The following LRBA variants were observed in gnomAD, a reference collection of about 807,000 sequenced individuals.
The protein encoded by LRBA is LPS responsive beige-like anchor protein, also known as lipopolysaccharide-responsive and beige-like anchor protein.
A neutral mutation model predicts 330.0 loss-of-function variants in LRBA; 176 were observed. The ratio of observed to expected loss-of-function variants is 0.53; its 90% CI spans 0.47 to 0.60. The LOEUF (loss-of-function observed/expected upper bound fraction) is 0.60, where lower values mean the gene tolerates loss of function less well. Among genes scored for constraint, LRBA ranks in the 20% least tolerant of loss-of-function variants. The pLI, the probability that LRBA is intolerant of heterozygous loss-of-function variation, is 0.00. For missense variants in LRBA, 3,259 were observed against 3,444.8 expected, an observed-to-expected ratio of 0.95 and a Z score of 1.35; for synonymous variants, 1,230 against 1,193.0, an observed-to-expected ratio of 1.03 and a Z score of -0.64.
chr4:150,910,140 G>A (rs931306424), intron 9 of LRBA, among the ~76,000 whole-genome samples: 1 of 152,048 alleles, frequency 6.6e-6, no homozygotes, highest in Admixed American at 6.6e-5. Flanking sequence ...CCTCTGATGC[G>A]CAGAACTTTA....
At chr4:150,897,007 AC>A (rs1730157786) in intron 15 of LRBA, among the ~76,000 whole-genome samples, 1 of 151,342 alleles carries the variant, frequency 6.6e-6, no homozygotes, top group Middle Eastern at 3.4e-3. Context: ...AAAAAAAAAA[AC>A]ACCACAAGAA....
chr4:150,895,806 G>A (rs1404964578), intron 16 of LRBA, among the ~76,000 whole-genome samples: 1 of 152,090 alleles, frequency 6.6e-6, no homozygotes, highest in East Asian at 1.9e-4. Flanking sequence ...CCCAGTAATG[G>A]GATGGCTGGG....
chr4:150,652,847 G>A (rs1581930536), intron 37 of LRBA, among the ~76,000 whole-genome samples: 2 of 152,068 alleles, frequency 1.3e-5, no homozygotes, highest in African/African-American at 2.4e-5. Context: ...GACACCTAAC[G>A]CCTGCTTGTT....
chr4:150,579,377 G>A (rs1214554613), intron 40 of LRBA: 3 of 454,364 alleles, frequency 6.6e-6, no homozygotes, highest in Non-Finnish European at 1.3e-5. Flanking sequence ...TGGGGGAGGG[G>A]GGAGAAAGAG....
intron 54 of LRBA, among the ~76,000 whole-genome samples, chr4:150,284,884 T>A (rs1391443435): frequency 3.9e-5 from 6 of 152,294 alleles, no homozygotes; most frequent in East Asian, 1.9e-4. Context: ...ATTATTCAGA[T>A]CACTTTGTAT....
At chr4:150,532,843 G>C (rs1764190911) in intron 40 of LRBA, among the ~76,000 whole-genome samples, 1 of 151,940 alleles carries the variant, frequency 6.6e-6, no homozygotes, top group Admixed American at 6.6e-5. Context: ...AATTACAAAA[G>C]ATTTTTATGT....
At chr4:150,593,305 T>C (rs1043958626) in intron 38 of LRBA, among the ~76,000 whole-genome samples, 1 of 152,208 alleles carries the variant, frequency 6.6e-6, no homozygotes, top group Non-Finnish European at 1.5e-5. Context: ...TTACATATCA[T>C]TTTGCATAAG....
chr4:150,279,013 C>T (rs1361513972), intron 55 of LRBA, among the ~76,000 whole-genome samples: 2 of 152,000 alleles, frequency 1.3e-5, no homozygotes, highest in Non-Finnish European at 2.9e-5. Context: ...TTAGTAGAGA[C>T]GGGGTTTCAC....
intron 2 of LRBA, among the ~76,000 whole-genome samples, chr4:150,998,726 T>C (rs1398824554): frequency 2.6e-5 from 4 of 152,154 alleles, no homozygotes; most frequent in Non-Finnish European, 4.4e-5. Context: ...AATAAATCTA[T>C]ATTTTGTTTT....
At chr4:150,288,872 C>G (rs1748513758) in intron 53 of LRBA, among the ~76,000 whole-genome samples, 1 of 138,672 alleles carries the variant, frequency 7.2e-6, no homozygotes, top group Admixed American at 7.6e-5. Context: ...TCTTGGAATT[C>G]CTCAGTGGAA....
intron 37 of LRBA, among the ~76,000 whole-genome samples, chr4:150,645,972 A>G (rs1010009452): frequency 1.3e-5 from 2 of 150,704 alleles, no homozygotes; most frequent in African/African-American, 4.9e-5. Flanking sequence ...TTTAAATTTT[A>G]TCAATAAAAA....
At chr4:150,417,913 TTGTC>T (rs1748015657) in intron 46 of LRBA, among the ~76,000 whole-genome samples, 1 of 152,282 alleles carries the variant, frequency 6.6e-6, no homozygotes, top group African/African-American at 2.4e-5. Flanking sequence ...TTTTGTATAT[TTGTC>T]TGTATCTTCT....
At chr4:150,803,074 A>AC (rs60815250) in intron 33 of LRBA, among the ~76,000 whole-genome samples, 1 of 119,900 alleles carries the variant, frequency 8.3e-6, no homozygotes, top group Admixed American at 8.4e-5. Context: ...AACAAAAAAA[A>AC]AATATATATA....
intron 34 of LRBA, among the ~76,000 whole-genome samples, chr4:150,762,498 T>A (rs1182065400): frequency 1.3e-5 from 2 of 151,860 alleles, no homozygotes; most frequent in Non-Finnish European, 3.0e-5. Context: ...CAATAGAGTA[T>A]GTACAAATGA....
chr4:150,313,296 T>C (rs1003413848), intron 51 of LRBA, among the ~76,000 whole-genome samples: 1 of 152,186 alleles, frequency 6.6e-6, no homozygotes, highest in African/African-American at 2.4e-5. Flanking sequence ...ACTCTGATAT[T>C]TAGATTCTAC....
At chr4:150,379,838 A>T (rs1390812223) in intron 47 of LRBA, among the ~76,000 whole-genome samples, 1 of 152,104 alleles carries the variant, frequency 6.6e-6, no homozygotes, top group Non-Finnish European at 1.5e-5. Context: ...TAGAAAGCAA[A>T]CCATGAACTC....
Position 150,310,305 on chromosome 4 carries a change from G to A in LRBA, c.7773C>T (p.Val2591=). The change falls in exon 52 of 57, where the codon GTC becomes GTT. Residue 2591 remains valine (V), a synonymous_variant. Coordinates refer to ENST00000651943, the MANE Select transcript of LRBA (RefSeq NM_001364905.1). Reference sequence around the variant, plus strand: ...GAATATAGCGGTTGTCTGAAGTGATGACAAAGCACTGGGAATGCACTTGAA... The same window carrying A: ...GAATATAGCGGTTGTCTGAAGTGATAACAAAGCACTGGGAATGCACTTGAA... ...QSIQVHSQCF[V]ITSDNRYILV... 1.9e-6 allele frequency: 3 copies of A among 1,612,554 alleles called. No individual in the cohort carries two copies. The highest frequency in any genetic ancestry group is 2.5e-6 in the Non-Finnish European group (3 of 1,178,738).
At chr4:150,305,062 A>G (rs1001394702) in intron 52 of LRBA, among the ~76,000 whole-genome samples, 2 of 152,158 alleles carry the variant, frequency 1.3e-5, no homozygotes, top group Non-Finnish European at 2.9e-5. Flanking sequence ...CAGATTTGAA[A>G]CCCAACAATC....
At chr4:150,910,030 C>T (rs1358524767) in intron 9 of LRBA, among the ~76,000 whole-genome samples, 1 of 152,062 alleles carries the variant, frequency 6.6e-6, no homozygotes, top group Non-Finnish European at 1.5e-5. Flanking sequence ...TGTTGAGTTA[C>T]AGGATTCATA....
Sources: gnomAD v4.1 joint callset for allele counts (sites outside exome capture counted in the v4.1 genomes callset) on GRCh38, gnomAD v4.1.1 for gene constraint, MANE v1.5 for transcripts, NCBI Gene and HGNC (gene_info 2026-07-23, HGNC 2026-07-21) for gene names.